The following YTHDC1 variants were observed in gnomAD, a reference collection of about 807,000 sequenced individuals.
YTHDC1 encodes YTH N6-methyladenosine RNA binding protein C1.
In YTHDC1, 12 loss-of-function variants were observed where a neutral mutation model predicts 107.0. The ratio of observed to expected loss-of-function variants is 0.11; its 90% CI spans 0.07 to 0.18. The LOEUF (loss-of-function observed/expected upper bound fraction) is 0.18. YTHDC1 is among the 10% of genes least tolerant of loss of function. YTHDC1 has a pLI of 1.00. For missense variants in YTHDC1, 635 were observed against 898.8 expected (o/e 0.71, Z 3.75); for synonymous variants, 280 against 289.5 (o/e 0.97, Z 0.33).
chr4:68,323,554 C>T (rs2109694273), intron 10 of YTHDC1, among the ~76,000 whole-genome samples: 1 of 152,294 alleles, frequency 6.6e-6, no homozygotes, highest in Non-Finnish European at 1.5e-5. Flanking sequence ...TGGTGAAACC[C>T]TGTCTCGACC....
At chr4:68,316,237 C>T in intron 16 of YTHDC1, 77 bp downstream of exon 16, 2 of 1,463,588 alleles carry the variant, frequency 1.4e-6, no homozygotes, top group East Asian at 2.4e-5. Context: ...AATCATCATA[C>T]TCTGGTCTCC....
chr4:68,330,458 A>G (rs191044670), intron 7 of YTHDC1, 148 bp from the exon 8 acceptor site: 1 of 505,006 alleles, frequency 2.0e-6, no homozygotes, highest in East Asian at 3.1e-5. Context: ...CAGCTGTCAG[A>G]ATAACGTAGT....
chr4:68,349,497 A>T (rs1725836412), intron 1 of YTHDC1, among the ~76,000 whole-genome samples: 1 of 152,160 alleles, frequency 6.6e-6, no homozygotes, highest in Non-Finnish European at 1.5e-5. Context: ...AATCCGCATC[A>T]AAGAAAAACC....
intron 15 of YTHDC1, 150 bp downstream of exon 15, chr4:68,318,369 A>G: frequency 1.4e-6 from 1 of 709,872 alleles, no homozygotes; most frequent in South Asian, 2.2e-5. Context: ...CAGCCTCCCA[A>G]AGTGCTGGGA....
chr4:68,319,722 A>G (rs898199206), intron 12 of YTHDC1, among the ~76,000 whole-genome samples: 9 of 152,130 alleles, frequency 5.9e-5, no homozygotes, highest in Non-Finnish European at 1.2e-4. Flanking sequence ...CAAAGACATA[A>G]AGATTTTTAT....
chr4:68,315,414 T>C (rs1202829569), intron 16 of YTHDC1, among the ~76,000 whole-genome samples: 1 of 152,212 alleles, frequency 6.6e-6, no homozygotes, highest in Admixed American at 6.5e-5. Flanking sequence ...CCACTCTTCA[T>C]CTTAAGTGGG....
chr4:68,326,887 A>G (rs1310995533), intron 9 of YTHDC1, among the ~76,000 whole-genome samples: 1 of 151,004 alleles, frequency 6.6e-6, no homozygotes, highest in Non-Finnish European at 1.5e-5. Flanking sequence ...CACTGCGCCC[A>G]GCCATGCAGA....
rs189741850 is a variant in YTHDC1, at chr4:68,327,161, G to A, written c.1349+2841C>T. 7.2e-3 allele frequency among the ~76,000 whole-genome samples: 1,093 copies of A among 151,988 alleles called. 7 individuals are homozygous for A. Among genetic ancestry groups the A allele is most frequent in the Non-Finnish European group, 0.011 (727 of 67,960 alleles). ...TGAGGCAGAAGAATCGCTTGAACCC[G>A]GGAGGCGGAAGTTGTGGTGAGCCGA... On this transcript the variant is annotated intron_variant, in intron 9 of 16. Coordinates refer to ENST00000344157, the MANE Select transcript of YTHDC1 (RefSeq NM_001031732.4).
chr4:68,324,677 T>C (rs1269863613), intron 9 of YTHDC1, among the ~76,000 whole-genome samples: 1 of 152,186 alleles, frequency 6.6e-6, no homozygotes, highest in African/African-American at 2.4e-5. Flanking sequence ...AATAGAAGTG[T>C]CCCTTATTCT....
intron 1 of YTHDC1, among the ~76,000 whole-genome samples, chr4:68,342,669 T>G (rs983502150): frequency 3.9e-5 from 6 of 152,246 alleles, no homozygotes; most frequent in Non-Finnish European, 8.8e-5. Flanking sequence ...ATAAAGCTAA[T>G]GTAAACTGCT....
rs1722510243 is a variant in YTHDC1 at position 68,322,176 on chromosome 4, A to G, written c.1601+573T>C. ...GAATTCACTGGGTACATGTTAGAGA[A>G]TATTTGGCAATAGGGTTAACACATC... On this transcript the variant is annotated intron_variant, in intron 11 of 16. Coordinates refer to ENST00000344157, the MANE Select transcript of YTHDC1 (RefSeq NM_001031732.4). The surrounding 1 kb of genome is among the most constrained non-coding windows in gnomAD (Gnocchi z 4.8). Among the ~76,000 whole-genome samples the G allele has an allele frequency of 6.6e-6, 1 of 152,190 alleles. No homozygotes were observed. The highest frequency in any genetic ancestry group is 2.4e-5 in the African/African-American group (1 of 41,440).
rs1035828933 is a variant in YTHDC1, at chr4:68,349,797, A to T, written c.-44T>A. On this transcript the variant is annotated 5_prime_UTR_variant, in exon 1 of 17. Transcript: ENST00000344157. Reference sequence around the variant, plus strand: ...GCCGCTGCCACCGCCGCCGCCGCTTAGACGCGACTCGCGCGGGCGCCGCAG... The same window carrying T: ...GCCGCTGCCACCGCCGCCGCCGCTTTGACGCGACTCGCGCGGGCGCCGCAG... 8 of 1,611,568 alleles carry T rather than the reference A, an allele frequency of 5.0e-6. No individual in the cohort carries two copies. The African/African-American group carries it at 1.1e-4, about 22-fold the overall frequency.
chr4:68,333,236 T>C (rs891050919), intron 5 of YTHDC1, 72 bp downstream of exon 5: 1 of 1,197,066 alleles, frequency 8.4e-7, no homozygotes, highest in African/African-American at 1.5e-5. Flanking sequence ...CACACTAAAC[T>C]ACAGCCTCCA....
At position 68,344,931 on chromosome 4, in the gene YTHDC1, T is replaced by C. The variant is rs550477204; in HGVS notation, c.28+4795A>G. Among the ~76,000 whole-genome samples, 4 of 152,104 alleles carry C rather than the reference T, an allele frequency of 2.6e-5. No individual in the cohort carries two copies. The South Asian group carries it at 6.3e-4, about 24-fold the overall frequency. On this transcript the variant is annotated intron_variant, in intron 1 of 16. Transcript: ENST00000344157. Reference sequence around the variant, plus strand: ...CTGTAGTCTCAGCTACTTAGGAAGCTGAAGTGGGAGAATCACCAGAGTCTG... The same window carrying C: ...CTGTAGTCTCAGCTACTTAGGAAGCCGAAGTGGGAGAATCACCAGAGTCTG...
chr4:68,325,583 A>C (rs892687784), intron 9 of YTHDC1, among the ~76,000 whole-genome samples: 14 of 152,112 alleles, frequency 9.2e-5, no homozygotes, highest in African/African-American at 3.4e-4. Context: ...GATTGGATCT[A>C]TTTTGCCTTG....
intron 1 of YTHDC1, 175 bp from the exon 2 acceptor site, chr4:68,338,559 G>A (rs1179388019): frequency 7.4e-6 from 4 of 539,418 alleles, no homozygotes; most frequent in Non-Finnish European, 1.3e-5. Flanking sequence ...CTAATACAGG[G>A]TAAAGAATTG....
chr4:68,329,856 A>T, intron 9 of YTHDC1, 146 bp downstream of exon 9: 1 of 572,746 alleles, frequency 1.7e-6, no homozygotes, highest in South Asian at 2.8e-5. Context: ...TAGACTAAAT[A>T]CGCCTTTGTT....
chr4:68,345,759 A>G (rs902583920), intron 1 of YTHDC1, among the ~76,000 whole-genome samples: 6 of 152,154 alleles, frequency 3.9e-5, no homozygotes, highest in African/African-American at 9.7e-5. Flanking sequence ...AGAAATTACT[A>G]TAGTGAGGGC....
chr4:68,332,386 G>C (rs1001690613), intron 6 of YTHDC1, among the ~76,000 whole-genome samples, 189 bp from the exon 7 acceptor site: 1 of 152,040 alleles, frequency 6.6e-6, no homozygotes, highest in African/African-American at 2.4e-5. Context: ...TCAGCATATT[G>C]CAAGAAAGTA....
Sources: gnomAD v4.1 joint callset for allele counts (sites outside exome capture counted in the v4.1 genomes callset) on GRCh38, gnomAD v4.1.1 for gene constraint, Gnocchi (gnomAD v3.1) non-coding constraint, MANE v1.5 for transcripts, NCBI Gene and HGNC (gene_info 2026-07-23, HGNC 2026-07-21) for gene names.